The following PLXNC1 variants were observed in gnomAD, a reference collection of about 807,000 sequenced individuals.
PLXNC1 encodes plexin C1.
A neutral mutation model predicts 178.2 loss-of-function variants in PLXNC1; 75 were observed. That is an observed-to-expected ratio of 0.42 (90% CI 0.35 to 0.51). The LOEUF is 0.51. Among genes scored for constraint, PLXNC1 ranks in the 20% least tolerant of loss-of-function variants. The probability of loss-of-function intolerance (pLI) is 0.02; values close to 1 mark genes in which losing one functional copy is unlikely to be tolerated. For missense variants in PLXNC1, 1,503 were observed against 1,984.4 expected (o/e 0.76, Z 4.61); for synonymous variants, 790 against 779.9 (o/e 1.01, Z -0.22).
At chr12:94,225,705 G>T (rs1963917711) in intron 7 of PLXNC1, among the ~76,000 whole-genome samples, 1 of 152,170 alleles carries the variant, frequency 6.6e-6, no homozygotes, top group African/African-American at 2.4e-5. Flanking sequence ...CAGGGAGGGT[G>T]AGCGCCCTTT....
chr12:94,242,476 A>G (rs980284880), intron 11 of PLXNC1, among the ~76,000 whole-genome samples: 2 of 152,004 alleles, frequency 1.3e-5, no homozygotes, highest in East Asian at 1.9e-4. Flanking sequence ...GACATCGGTC[A>G]TGTTGGATTA....
intron 2 of PLXNC1, among the ~76,000 whole-genome samples, chr12:94,176,057 G>T (rs1202410668): frequency 6.6e-6 from 1 of 152,154 alleles, no homozygotes; most frequent in Non-Finnish European, 1.5e-5. Context: ...CTATATTAAG[G>T]TCGTATCCTG....
At position 94,260,332 on chromosome 12, in the gene PLXNC1, A is replaced by T. The variant is rs1023933377; in HGVS notation, c.3252-310A>T. 1.3e-5 allele frequency among the ~76,000 whole-genome samples: 2 copies of T among 152,136 alleles called. No individual in the cohort carries two copies. The highest frequency in any genetic ancestry group is 4.1e-4 in the South Asian group (2 of 4,824). ...TTTAGACTCCTAAAGTGCTGGGATTATAGGCGTGAACCACCATGCCCGGCC... is the reference window on the plus strand; with the variant it reads ...TTTAGACTCCTAAAGTGCTGGGATTTTAGGCGTGAACCACCATGCCCGGCC... On this transcript the variant is annotated intron_variant, in intron 19 of 30. Coordinates refer to ENST00000258526, the MANE Select transcript of PLXNC1 (RefSeq NM_005761.3). This position sits in a 1 kb window ranked among gnomAD's most constrained non-coding sequence, Gnocchi z 4.4.
intron 1 of PLXNC1, among the ~76,000 whole-genome samples, chr12:94,164,749 A>C (rs986908300): frequency 6.6e-6 from 1 of 151,938 alleles, no homozygotes; most frequent in Non-Finnish European, 1.5e-5. Context: ...CTTTGGTCCC[A>C]GTTTGCTATA....
rs527558236 is a variant in PLXNC1 at position 94,262,639 on chromosome 12, C to G, written c.3450+1799C>G. 1.5e-4 allele frequency: 151 copies of G among 985,416 alleles called. 1 individual carries two copies. Among genetic ancestry groups the G allele is most frequent in the Non-Finnish European group, 1.8e-4 (147 of 829,962 alleles). 61.0% of individuals were successfully genotyped at this position (985,416 alleles called of 1,614,324 possible). ...CTTTCACTTTCAGTGGAATAATTCC[C>G]GCTGGTGCAGGGGTCTGATGTCCCT... On this transcript the variant is annotated intron_variant, in intron 20 of 30. Coordinates refer to ENST00000258526, the MANE Select transcript of PLXNC1 (RefSeq NM_005761.3).
chr12:94,247,099 A>T (rs2136061924), intron 12 of PLXNC1, among the ~76,000 whole-genome samples: 1 of 152,146 alleles, frequency 6.6e-6, no homozygotes, highest in South Asian at 2.1e-4. Context: ...ATAGAGAGAG[A>T]CAGGGTCTCA....
intron 21 of PLXNC1, chr12:94,277,291 C>T (rs1373299439): frequency 6.5e-6 from 1 of 152,838 alleles, no homozygotes; most frequent in Non-Finnish European, 1.5e-5. Flanking sequence ...ATCTAATCCC[C>T]TCCAAAGGCC....
In PLXNC1 at chr12:94,149,835, C is replaced by G. The variant is rs1204610208; in HGVS notation, c.864C>G (p.Pro288=). 9 of 1,588,952 alleles carry G rather than the reference C, an allele frequency of 5.7e-6. No individual in the cohort carries two copies. Among genetic ancestry groups the G allele is most frequent in the Non-Finnish European group, 7.7e-6 (9 of 1,168,982 alleles). ...CCCTCGACTGCGGCCACGGCCACCC[C>G]GACGGCCGCCGCCTGCTCCTCTCCT... ...QASLDCGHGH[P]DGRRLLLSSS... The change falls in exon 1 of 31, where the codon CCC becomes CCG. Residue 288 remains proline (P), a synonymous_variant. Transcript: ENST00000258526.
chr12:94,157,820 A>G (rs1233209852), intron 1 of PLXNC1, among the ~76,000 whole-genome samples: 1 of 152,326 alleles, frequency 6.6e-6, no homozygotes, highest in African/African-American at 2.4e-5. Flanking sequence ...CAACTGCTCA[A>G]TTCTGCTGCT....
At chr12:94,249,884 T>G (rs1237540064) in intron 14 of PLXNC1, among the ~76,000 whole-genome samples, 2 of 134,894 alleles carry the variant, frequency 1.5e-5, no homozygotes, top group Non-Finnish European at 3.1e-5. Flanking sequence ...TAAATAAAAA[T>G]TGTGTTACTT....
At chr12:94,171,026 G>C (rs889550523) in intron 2 of PLXNC1, among the ~76,000 whole-genome samples, 2 of 152,146 alleles carry the variant, frequency 1.3e-5, no homozygotes, top group African/African-American at 4.8e-5. Flanking sequence ...TGAGTGTTTT[G>C]ACAAGAACAC....
chr12:94,305,229 C>T lies in PLXNC1; in HGVS notation c.4651C>T (p.Gln1551Ter). 6.2e-7 allele frequency: 1 copy of T among 1,611,534 alleles called. No individual in the cohort carries two copies. Among genetic ancestry groups the T allele is most frequent in the Non-Finnish European group, 8.5e-7 (1 of 1,178,242 alleles). Residue 1551 changes from glutamine (Q) to a stop codon, truncating the protein, a stop_gained, in exon 31 of 31, where the codon CAA becomes TAA. Coordinates refer to ENST00000258526, the MANE Select transcript of PLXNC1 (RefSeq NM_005761.3). LOFTEE classifies it high-confidence loss of function. ...RERGLEEAQK[Q>*]LLHVKVLFDE... is the part of the protein sequence containing the mutation. ...ACGAGGGCTGGAAGAAGCTCAGAAA[C>T]AACTCTTGCATGTAAAAGTCTTATT...
intron 20 of PLXNC1, among the ~76,000 whole-genome samples, chr12:94,261,336 T>C (rs1215459869): frequency 2.0e-5 from 3 of 152,236 alleles, no homozygotes; most frequent in African/African-American, 7.2e-5. Flanking sequence ...GTGCATGTGG[T>C]TGTCACTAAT....
rs1416406283 is a variant in PLXNC1 at position 94,149,482 on chromosome 12, C to G, written c.511C>G (p.Arg171Gly). Reference sequence around the variant, plus strand: ...GGCCGGCGTGGTGTACCGCGCGGGCCGGAACAACCGCTGGTACCTGGCGGT... The same window carrying G: ...GGCCGGCGTGGTGTACCGCGCGGGCGGGAACAACCGCTGGTACCTGGCGGT... ...STAGVVYRAG[R>G]NNRWYLAVAA... is the part of the protein sequence containing the mutation. The change falls in exon 1 of 31, where the codon CGG (arginine) becomes GGG (glycine). Residue 171 changes from arginine to glycine, a missense_variant. Physicochemically the swap from Arg to Gly is moderately radical, Grantham distance 125. This residue lies in a region of PLXNC1 where 73 missense variants were observed against 125.4 expected (regional missense o/e 0.58). Coordinates refer to ENST00000258526, the MANE Select transcript of PLXNC1 (RefSeq NM_005761.3). 6.6e-7 allele frequency: 1 copy of G among 1,520,320 alleles called. No individual in the cohort carries two copies. Among genetic ancestry groups the G allele is most frequent in the Admixed American group, 2.0e-5 (1 of 49,428 alleles). The allele number at this position is 1,520,320 out of a possible 1,614,324, so 94.2% of individuals were successfully genotyped here.
intron 2 of PLXNC1, among the ~76,000 whole-genome samples, chr12:94,179,283 C>T (rs1055441841): frequency 1.4e-4 from 22 of 152,212 alleles, no homozygotes; most frequent in African/African-American, 2.7e-4. Flanking sequence ...TGAAACCATG[C>T]GCCCAATGTG....
intron 11 of PLXNC1, among the ~76,000 whole-genome samples, chr12:94,242,302 ATTTTTTTTT>A (rs59056862): frequency 1.0e-5 from 1 of 97,376 alleles, no homozygotes; most frequent in Non-Finnish European, 1.9e-5. Flanking sequence ...AATCTCCCCA[ATTTTTTTTT>A]TTTTTTTTTT....
intron 1 of PLXNC1, among the ~76,000 whole-genome samples, chr12:94,167,812 TGC>T (rs1306924433): frequency 1.3e-5 from 2 of 152,242 alleles, no homozygotes; most frequent in Non-Finnish European, 2.9e-5. Context: ...GAATATTTTA[TGC>T]AAAAACATTG....
chr12:94,152,367 G>A (rs1960993145), intron 1 of PLXNC1, among the ~76,000 whole-genome samples: 1 of 152,204 alleles, frequency 6.6e-6, no homozygotes, highest in Non-Finnish European at 1.5e-5. Context: ...TTTGTTTGAT[G>A]CCTGCTAGTG....
In PLXNC1 at chr12:94,183,250, T is replaced by G. The variant is rs568633648; in HGVS notation, c.1338+1670T>G. Among the ~76,000 whole-genome samples the G allele has an allele frequency of 1.8e-4, 28 of 152,352 alleles. No individual in the cohort carries two copies. In the South Asian group the frequency reaches 5.8e-3, roughly 32 times the overall value. On this transcript the variant is annotated intron_variant, in intron 3 of 30. Transcript: ENST00000258526. ...AAGCAATTTGTAGTTTCTGGTATTC[T>G]TATAAAGACGATACTGTTCTTTGCA...
Sources: allele counts gnomAD v4.1 joint callset (sites outside exome capture counted in the v4.1 genomes callset), GRCh38; gene constraint gnomAD v4.1.1; regional missense constraint gnomAD v4.1.1; non-coding constraint Gnocchi (gnomAD v3.1); transcripts MANE v1.5; gene names NCBI Gene and HGNC (gene_info 2026-07-23, HGNC 2026-07-21).